The following ATP6V1H variants were observed in gnomAD, a reference collection of about 807,000 sequenced individuals.
ATP6V1H encodes V-type proton ATPase subunit H.
ATP6V1H carries 39 observed loss-of-function variants against 71.7 expected under a neutral mutation model. The observed-to-expected ratio is 0.54, with a 90% CI of 0.42 to 0.71. The LOEUF (loss-of-function observed/expected upper bound fraction) is 0.71. ATP6V1H is among the 30% of genes least tolerant of loss of function. ATP6V1H has a pLI of 0.00. For synonymous variants in ATP6V1H, 192 were observed against 199.3 expected (o/e 0.96, Z 0.31); for missense variants, 509 against 594.9 (o/e 0.86, Z 1.50).
chr8:53,753,425 G>T (rs909261550), intron 12 of ATP6V1H, among the ~76,000 whole-genome samples: 2 of 152,194 alleles, frequency 1.3e-5, no homozygotes, highest in Non-Finnish European at 2.9e-5. Context: ...GTAAGGCAGG[G>T]AGAAAGAAAG....
intron 7 of ATP6V1H, among the ~76,000 whole-genome samples, chr8:53,808,165 G>A (rs557847858): frequency 3.7e-4 from 57 of 152,310 alleles, no homozygotes; most frequent in African/African-American, 1.1e-3. Context: ...TTGCCTATGC[G>A]TACTGTAAAA....
intron 7 of ATP6V1H, among the ~76,000 whole-genome samples, chr8:53,808,009 G>A (rs1218827868): frequency 2.0e-5 from 3 of 152,180 alleles, no homozygotes; most frequent in African/African-American, 7.2e-5. Context: ...GAGGCAAGAT[G>A]AAACAAGCAA....
At chr8:53,789,212 C>T (rs991291325) in intron 9 of ATP6V1H, among the ~76,000 whole-genome samples, 19 of 152,116 alleles carry the variant, frequency 1.2e-4, no homozygotes, top group Non-Finnish European at 5.9e-5. Context: ...TACATGCTTC[C>T]AATAACCTTT....
intron 12 of ATP6V1H, among the ~76,000 whole-genome samples, chr8:53,753,961 C>G (rs1205247054): frequency 6.6e-6 from 1 of 152,102 alleles, no homozygotes; most frequent in Non-Finnish European, 1.5e-5. Context: ...TTGCTCACAG[C>G]AACAGAAATA....
At chr8:53,746,461 C>T (rs1245168373) in intron 12 of ATP6V1H, among the ~76,000 whole-genome samples, 1 of 152,084 alleles carries the variant, frequency 6.6e-6, no homozygotes, top group Non-Finnish European at 1.5e-5. Context: ...GACGGGGTTT[C>T]ACCATGTTGG....
chr8:53,739,058 G>GA (rs1343207197), intron 13 of ATP6V1H, among the ~76,000 whole-genome samples: 1 of 152,068 alleles, frequency 6.6e-6, no homozygotes, highest in Non-Finnish European at 1.5e-5. Context: ...CAGGTACCCA[G>GA]AAACAGACCA....
At chr8:53,801,447 T>C (rs1809906122) in intron 8 of ATP6V1H, among the ~76,000 whole-genome samples, 1 of 152,180 alleles carries the variant, frequency 6.6e-6, no homozygotes, top group Admixed American at 6.5e-5. Flanking sequence ...TATATGGCAT[T>C]AGAAAGAAAG....
intron 11 of ATP6V1H, among the ~76,000 whole-genome samples, chr8:53,768,854 G>A (rs1214214479): frequency 6.6e-6 from 1 of 152,078 alleles, no homozygotes; most frequent in Non-Finnish European, 1.5e-5. Context: ...TTTTGTCAAT[G>A]GGTACAAATA....
rs1255861218 is a variant in ATP6V1H, at chr8:53,781,223, A to C, written c.871-9056T>G. 3.3e-5 allele frequency among the ~76,000 whole-genome samples: 5 copies of C among 152,208 alleles called. No individual in the cohort carries two copies. In the South Asian group the frequency reaches 1.0e-3, roughly 32 times the overall value. ...ACCTGTTGTTTCCTGACTTTTTAATAATCGCCATTCTAACTGGTGTGAGAT... is the reference window on the plus strand; with the variant it reads ...ACCTGTTGTTTCCTGACTTTTTAATCATCGCCATTCTAACTGGTGTGAGAT... On this transcript the variant is annotated intron_variant, in intron 9 of 13. Transcript: ENST00000359530.
chr8:53,769,577 A>G (rs1808583795), intron 11 of ATP6V1H, 41 bp downstream of exon 11: 11 of 1,573,488 alleles, frequency 7.0e-6, no homozygotes, highest in Non-Finnish European at 9.5e-6. Flanking sequence ...AGGATTTGGG[A>G]TAACAGATAT....
chr8:53,728,563 G>A (rs1806897592), intron 13 of ATP6V1H, among the ~76,000 whole-genome samples: 1 of 152,000 alleles, frequency 6.6e-6, no homozygotes, highest in African/African-American at 2.4e-5. Context: ...CAATTTCACT[G>A]GGCTGTGCTC....
At chr8:53,753,751 C>T (rs780849290) in intron 12 of ATP6V1H, among the ~76,000 whole-genome samples, 1 of 152,106 alleles carries the variant, frequency 6.6e-6, no homozygotes, top group Non-Finnish European at 1.5e-5. Context: ...TTTGCCTTAT[C>T]TAAAGATCTT....
chr8:53,833,311 A>G, intron 2 of ATP6V1H: 1 of 488,782 alleles, frequency 2.0e-6, no homozygotes, highest in Non-Finnish European at 3.7e-6. Context: ...TGCGAACAAT[A>G]ATCGCATTGC....
intron 9 of ATP6V1H, among the ~76,000 whole-genome samples, chr8:53,790,745 G>C (rs1462141661): frequency 6.6e-6 from 1 of 152,166 alleles, no homozygotes; most frequent in Non-Finnish European, 1.5e-5. Flanking sequence ...AAATCATGAA[G>C]AGATGAGATT....
Position 53,737,295 on chromosome 8 carries a change from T to C in ATP6V1H, c.1391+6282A>G, listed in dbSNP as rs186750947. 3.3e-3 allele frequency among the ~76,000 whole-genome samples: 500 copies of C among 152,342 alleles called. 1 individual carries two copies. Among genetic ancestry groups the C allele is most frequent in the African/African-American group, 0.011 (443 of 41,580 alleles). ...TTGTATTTCTCTACTTTAGCACAAA[T>C]TGAATTTTCTAACAAGTATTCCTGT... On this transcript the variant is annotated intron_variant, in intron 13 of 13. Coordinates refer to ENST00000359530, the MANE Select transcript of ATP6V1H (RefSeq NM_015941.4).
intron 13 of ATP6V1H, among the ~76,000 whole-genome samples, chr8:53,732,135 A>C (rs1189451966): frequency 6.6e-6 from 1 of 152,204 alleles, no homozygotes; most frequent in Non-Finnish European, 1.5e-5. Flanking sequence ...CTTGATGAAC[A>C]GGCGTGCCTT....
chr8:53,824,583 T>C (rs1156456557), intron 4 of ATP6V1H, among the ~76,000 whole-genome samples: 4 of 152,106 alleles, frequency 2.6e-5, no homozygotes, highest in African/African-American at 4.8e-5. Flanking sequence ...TCCATTACTA[T>C]AATTCACTAT....
intron 13 of ATP6V1H, among the ~76,000 whole-genome samples, chr8:53,732,702 C>T (rs1429994491): frequency 1.3e-5 from 2 of 151,712 alleles, no homozygotes; most frequent in Admixed American, 6.6e-5. Context: ...AGAGCAGCTT[C>T]GCCAGCAGAC....
intron 12 of ATP6V1H, among the ~76,000 whole-genome samples, chr8:53,752,227 A>G (rs764269660): frequency 7.9e-5 from 12 of 152,254 alleles, no homozygotes; most frequent in Non-Finnish European, 1.6e-4. Context: ...AAATCATATC[A>G]AAAAGCTACA....
Sources: gnomAD v4.1 joint callset for allele counts (sites outside exome capture counted in the v4.1 genomes callset) on GRCh38, gnomAD v4.1.1 for gene constraint, MANE v1.5 for transcripts, NCBI Gene and HGNC (gene_info 2026-07-23, HGNC 2026-07-21) for gene names.